CNTN5: variants seen among roughly 807,000 people sequenced by gnomAD.
CNTN5 encodes the protein contactin-5.
In CNTN5, 77 loss-of-function variants were observed where a neutral mutation model predicts 129.1. The ratio of observed to expected loss-of-function variants is 0.60; its 90% CI spans 0.50 to 0.72. The LOEUF (loss-of-function observed/expected upper bound fraction) is 0.72, where lower values mean the gene tolerates loss of function less well. Ranked by LOEUF, CNTN5 falls within the 30% of genes least tolerant of loss-of-function variation. CNTN5 has a pLI of 0.00. For synonymous variants in CNTN5, 509 were observed against 465.6 expected, an observed-to-expected ratio of 1.09 and a Z score of -1.20; for missense variants, 1,478 against 1,328.8, an observed-to-expected ratio of 1.11 and a Z score of -1.75.
chr11:100,172,339 A>T (rs7930050), intron 13 of CNTN5, among the ~76,000 whole-genome samples: 23,365 of 151,872 alleles, frequency 0.15, 1,811 homozygotes, highest in Middle Eastern at 0.27. Context: ...TGATGAGGAA[A>T]TGGAGAACAT....
At chr11:99,304,860 C>G (rs1332110501) in intron 1 of CNTN5, among the ~76,000 whole-genome samples, 1 of 152,130 alleles carries the variant, frequency 6.6e-6, no homozygotes, top group Non-Finnish European at 1.5e-5. Flanking sequence ...AATTTTGACT[C>G]CCTACGAGTT....
At chr11:99,462,550 A>C (rs1465251189) in intron 2 of CNTN5, among the ~76,000 whole-genome samples, 3 of 152,132 alleles carry the variant, frequency 2.0e-5, no homozygotes, top group Admixed American at 2.0e-4. Flanking sequence ...GGTGATTAAT[A>C]ATGTATAAAT....
In CNTN5 at chr11:99,135,659, A is replaced by G. The variant is rs141596414; in HGVS notation, c.-210+114389A>G. On this transcript the variant is annotated intron_variant, in intron 1 of 24. Transcript: ENST00000524871. ...AAAGTTTCTTTTTTCCCAACATACA[A>G]TTTCATGTATTTCTCATACTTCTGC... 1.3e-3 allele frequency among the ~76,000 whole-genome samples: 194 copies of G among 152,254 alleles called. 1 individual carries two copies. Among genetic ancestry groups the G allele is most frequent in the African/African-American group, 4.4e-3 (183 of 41,552 alleles).
chr11:99,082,226 G>A (rs924984475), intron 1 of CNTN5, among the ~76,000 whole-genome samples: 3 of 142,486 alleles, frequency 2.1e-5, no homozygotes, highest in Admixed American at 1.5e-4. Context: ...TTGCCCTGTC[G>A]TCAGGCTGCA....
At chr11:100,052,854 G>T (rs1943026739) in intron 9 of CNTN5, among the ~76,000 whole-genome samples, 1 of 151,708 alleles carries the variant, frequency 6.6e-6, no homozygotes, top group South Asian at 2.1e-4. Flanking sequence ...TGAGACATTG[G>T]CATAAAGATA....
At chr11:99,524,551 C>G (rs980001564) in intron 2 of CNTN5, among the ~76,000 whole-genome samples, 1 of 152,012 alleles carries the variant, frequency 6.6e-6, no homozygotes. Flanking sequence ...GTGGCTCATG[C>G]CTGTAATCCT....
chr11:99,650,409 G>A (rs899213903), intron 3 of CNTN5, among the ~76,000 whole-genome samples: 2 of 151,836 alleles, frequency 1.3e-5, no homozygotes, highest in Non-Finnish European at 2.9e-5. Context: ...CATAAATAAC[G>A]CATCAGTCTC....
At chr11:99,114,624 T>C (rs998400874) in intron 1 of CNTN5, among the ~76,000 whole-genome samples, 2 of 152,182 alleles carry the variant, frequency 1.3e-5, no homozygotes, top group African/African-American at 4.8e-5. Context: ...TAAAGGCATA[T>C]CCATTAATTA....
intron 13 of CNTN5, among the ~76,000 whole-genome samples, chr11:100,107,229 C>T (rs541528773): frequency 3.0e-4 from 46 of 152,156 alleles, no homozygotes; most frequent in African/African-American, 1.0e-3. Flanking sequence ...GTTTTATTTC[C>T]TTCATGCCAG....
chr11:99,693,356 T>C (rs979003699), intron 3 of CNTN5, among the ~76,000 whole-genome samples: 1 of 152,106 alleles, frequency 6.6e-6, no homozygotes, highest in African/African-American at 2.4e-5. Flanking sequence ...TTAGAGTTTG[T>C]TTTTAAAACA....
chr11:99,130,435 C>T (rs1858874149), intron 1 of CNTN5, among the ~76,000 whole-genome samples: 1 of 152,148 alleles, frequency 6.6e-6, no homozygotes, highest in Admixed American at 6.6e-5. Flanking sequence ...TATATATGCA[C>T]CCAATACAGG....
chr11:99,189,251 G>A (rs917845264), intron 1 of CNTN5, among the ~76,000 whole-genome samples: 15 of 151,490 alleles, frequency 9.9e-5, no homozygotes, highest in African/African-American at 1.4e-4. Flanking sequence ...ATATATACAC[G>A]TACATATATA....
At chr11:100,312,824 C>T (rs1045287519) in intron 21 of CNTN5, among the ~76,000 whole-genome samples, 3 of 151,988 alleles carry the variant, frequency 2.0e-5, no homozygotes, top group Non-Finnish European at 4.4e-5. Context: ...TTTTCAGCTG[C>T]CCCTCTTATT....
intron 2 of CNTN5, among the ~76,000 whole-genome samples, chr11:99,329,956 CAA>C (rs1439588627): frequency 3.0e-5 from 4 of 131,442 alleles, no homozygotes; most frequent in Admixed American, 7.6e-5. Flanking sequence ...CACACACACA[CAA>C]TCCCTTATAT....
chr11:99,413,021 G>A (rs570068177), intron 2 of CNTN5, among the ~76,000 whole-genome samples: 1 of 152,204 alleles, frequency 6.6e-6, no homozygotes, highest in East Asian at 1.9e-4. Flanking sequence ...TGGATTCTAC[G>A]ACCAATGACA....
At chr11:99,718,206 T>C (rs1304766277) in intron 3 of CNTN5, among the ~76,000 whole-genome samples, 1 of 152,164 alleles carries the variant, frequency 6.6e-6, no homozygotes, top group Non-Finnish European at 1.5e-5. Flanking sequence ...TTGCATTGCC[T>C]TCTATTATGT....
At chr11:99,456,490 G>C (rs942696281) in intron 2 of CNTN5, among the ~76,000 whole-genome samples, 1 of 152,102 alleles carries the variant, frequency 6.6e-6, no homozygotes, top group African/African-American at 2.4e-5. Context: ...CTTATGTGCA[G>C]TGTTATCTAA....
intron 2 of CNTN5, among the ~76,000 whole-genome samples, chr11:99,521,685 G>A (rs1947281057): frequency 6.6e-6 from 1 of 152,172 alleles, no homozygotes; most frequent in Non-Finnish European, 1.5e-5. Context: ...TGAGTCCAAA[G>A]TGTATCTGTT....
chr11:99,657,817 G>T (rs535822212), intron 3 of CNTN5, among the ~76,000 whole-genome samples: 5 of 152,156 alleles, frequency 3.3e-5, no homozygotes, highest in African/African-American at 9.6e-5. Flanking sequence ...AGGAAAATTT[G>T]TAAATGTGAG....
Sources: gnomAD v4.1 joint callset for allele counts (sites outside exome capture counted in the v4.1 genomes callset) on GRCh38, gnomAD v4.1.1 for gene constraint, MANE v1.5 for transcripts, NCBI Gene and HGNC (gene_info 2026-07-23, HGNC 2026-07-21) for gene names.